Variants in NAV2 observed in about 807,000 individuals in gnomAD.
NAV2 encodes neuron navigator 2, also known as helicase, APC down-regulated 1.
A neutral mutation model predicts 223.2 loss-of-function variants in NAV2; 54 were observed. That is an observed-to-expected ratio of 0.24 (90% CI 0.19 to 0.30). The LOEUF (loss-of-function observed/expected upper bound fraction) is 0.30. Ranked by LOEUF, NAV2 falls within the 10% of genes least tolerant of loss-of-function variation. NAV2 has a pLI of 1.00. For missense variants in NAV2, 2,806 were observed against 3,147.5 expected (o/e 0.89, Z 2.60); for synonymous variants, 1,279 against 1,239.3 (o/e 1.03, Z -0.67).
At chr11:19,995,531 C>G (rs185622133) in intron 11 of NAV2, among the ~76,000 whole-genome samples, 1 of 152,130 alleles carries the variant, frequency 6.6e-6, no homozygotes, top group Non-Finnish European at 1.5e-5. Flanking sequence ...TAATGCACTT[C>G]GAGGTGTTTG....
upstream of NAV2, chr11:19,711,156 A>G (rs1020209722): frequency 6.6e-6 from 1 of 152,226 alleles, no homozygotes; most frequent in African/African-American, 2.4e-5. Context: ...ACTAGAGTAG[A>G]AAGTTGCTAC....
chr11:19,704,307 T>C (rs1285080309), intron 1 of NAV2, among the ~76,000 whole-genome samples: 2 of 152,052 alleles, frequency 1.3e-5, no homozygotes. Flanking sequence ...CACTCAGGAG[T>C]GCTGTGGGGA....
At chr11:19,383,496 C>G (rs534680798) in intron 1 of NAV2, among the ~76,000 whole-genome samples, 1 of 152,196 alleles carries the variant, frequency 6.6e-6, no homozygotes, top group South Asian at 2.1e-4. Flanking sequence ...CTGCTCCCAA[C>G]AATATAGACC....
At chr11:19,629,741 G>T (rs1231075216) in intron 1 of NAV2, among the ~76,000 whole-genome samples, 1 of 152,108 alleles carries the variant, frequency 6.6e-6, no homozygotes, top group African/African-American at 2.4e-5. Flanking sequence ...GTCAGGGAAG[G>T]ACCTGAATGG....
intron 10 of NAV2, among the ~76,000 whole-genome samples, chr11:19,953,428 GCTGGTTCCTGCATTTGCAAAGCCCTGCCT>G (rs545874450): frequency 0.025 from 3,810 of 152,258 alleles, 72 homozygotes; most frequent in Middle Eastern, 0.068. Context: ...ACCACCAAAA[GCTGGTTCCTGCATTTGCAAAGCCCTGCCT>G]CTGGTTCCTG....
chr11:20,054,203 T>C lies in NAV2; in HGVS notation c.4605T>C (p.Thr1535=). 6.2e-7 allele frequency: 1 copy of C among 1,612,710 alleles called. No homozygotes were observed. The change falls in exon 18 of 38, where the codon ACT becomes ACC. Residue 1535 remains threonine (T), a synonymous_variant. Transcript: ENST00000349880. ...NSPFSSGSSV[T]SPSGTRFNFS... is the part of the protein sequence containing the mutation. ...CCTTTTCCTCTGGCTCCAGCGTGAC[T>C]TCTCCCTCCGGAACAAGATTCAACT...
At chr11:19,493,603 A>C (rs1227490370) in intron 1 of NAV2, among the ~76,000 whole-genome samples, 3 of 152,108 alleles carry the variant, frequency 2.0e-5, no homozygotes, top group Non-Finnish European at 4.4e-5. Flanking sequence ...TTGTGAACAG[A>C]AAGCACCTCC....
chr11:19,782,209 C>G (rs1347782296), intron 1 of NAV2, among the ~76,000 whole-genome samples: 4 of 152,308 alleles, frequency 2.6e-5, no homozygotes, highest in Admixed American at 2.6e-4. Context: ...AGGAATAGTT[C>G]CATATGCATT....
intron 2 of NAV2, among the ~76,000 whole-genome samples, chr11:19,838,562 T>C (rs530695494): frequency 2.8e-4 from 42 of 152,218 alleles, no homozygotes; most frequent in African/African-American, 9.1e-4. Context: ...GGTTGAAGAG[T>C]TGATTTTTCA....
At chr11:19,498,306 A>C (rs2042861884) in intron 1 of NAV2, among the ~76,000 whole-genome samples, 2 of 152,194 alleles carry the variant, frequency 1.3e-5, no homozygotes. Context: ...CCACACCAGG[A>C]GGTTGGTCCC....
At chr11:19,835,929 C>A (rs1367183098) in intron 2 of NAV2, among the ~76,000 whole-genome samples, 1 of 152,088 alleles carries the variant, frequency 6.6e-6, no homozygotes, top group African/African-American at 2.4e-5. Context: ...GAGACCTTTC[C>A]TAGCTCCCCG....
At position 19,963,435 on chromosome 11, in the gene NAV2, C is replaced by T. The variant is rs187957354; in HGVS notation, c.2645+14355C>T. Among the ~76,000 whole-genome samples, 20 of 152,202 alleles carry T rather than the reference C, an allele frequency of 1.3e-4. No individual in the cohort carries two copies. In the East Asian group the frequency reaches 1.9e-3, roughly 15 times the overall value. On this transcript the variant is annotated intron_variant, in intron 10 of 37. Coordinates refer to ENST00000349880, the MANE Select transcript of NAV2 (RefSeq NM_145117.5). ...AGCTAGTCCCCACACTCTGAATATC[C>T]GAATATATGGAAGGCAAGACCAAAA...
chr11:20,024,385 A>C (rs1050362526), intron 11 of NAV2, among the ~76,000 whole-genome samples: 3 of 152,182 alleles, frequency 2.0e-5, no homozygotes, highest in Non-Finnish European at 4.4e-5. Context: ...TGAAGGTCAA[A>C]TCAGGAAAGG....
At chr11:19,446,574 C>G (rs1851590601) in intron 1 of NAV2, among the ~76,000 whole-genome samples, 1 of 152,102 alleles carries the variant, frequency 6.6e-6, no homozygotes, top group Admixed American at 6.6e-5. Flanking sequence ...CTCCTTCTAG[C>G]CTGCCAGGTG....
At chr11:19,884,783 T>G (rs1197098752) in intron 5 of NAV2, among the ~76,000 whole-genome samples, 7 of 21,632 alleles carry the variant, frequency 3.2e-4, no homozygotes, top group African/African-American at 1.3e-3. Flanking sequence ...GTGCTTTGTG[T>G]TGTTGTTGTT....
chr11:19,910,504 G>C (rs1380419285), intron 6 of NAV2, among the ~76,000 whole-genome samples: 6 of 152,136 alleles, frequency 3.9e-5, no homozygotes, highest in Non-Finnish European at 5.9e-5. Context: ...AAACTGTATA[G>C]GGACACTGTA....
chr11:19,398,277 C>G (rs1439648226), intron 1 of NAV2, among the ~76,000 whole-genome samples: 1 of 152,226 alleles, frequency 6.6e-6, no homozygotes, highest in East Asian at 1.9e-4. Context: ...CAGTTTTAAA[C>G]ATCCAGATGT....
rs553302238 is a variant in NAV2, at chr11:19,416,182, A to G, written c.75+65155A>G. Among the ~76,000 whole-genome samples, 55 of 152,348 alleles carry G rather than the reference A, an allele frequency of 3.6e-4. 1 individual carries two copies. The highest frequency in any genetic ancestry group is 1.3e-4 in the Non-Finnish European group (9 of 68,028). On this transcript the variant is annotated intron_variant, in intron 1 of 37. Coordinates refer to the NAV2 transcript ENST00000360655. ...CTCTCTTTTCAGATGACATGATTGTATATTTAGAAAACCCCATTGTCTCAG... is the reference window on the plus strand; with the variant it reads ...CTCTCTTTTCAGATGACATGATTGTGTATTTAGAAAACCCCATTGTCTCAG...
intron 1 of NAV2, among the ~76,000 whole-genome samples, chr11:19,400,650 A>G (rs542917062): frequency 2.4e-4 from 36 of 152,312 alleles, no homozygotes; most frequent in African/African-American, 8.4e-4. Context: ...AGAAGGTAAG[A>G]ATTAGAATTA....
Sources: allele counts gnomAD v4.1 joint callset (sites outside exome capture counted in the v4.1 genomes callset), GRCh38; gene constraint gnomAD v4.1.1; transcripts MANE v1.5; gene names NCBI Gene and HGNC (gene_info 2026-07-23, HGNC 2026-07-21).